The following TEX11 variants were observed in gnomAD, a reference collection of about 807,000 sequenced individuals.
TEX11 encodes testis-expressed protein 11.
TEX11 carries 7 observed loss-of-function variants against 84.4 expected under a neutral mutation model. The ratio of observed to expected loss-of-function variants is 0.08; its 90% CI spans 0.05 to 0.16. The LOEUF is 0.16. TEX11 is among the 10% of genes least tolerant of loss of function. The pLI is 1.00. For synonymous variants in TEX11, 264 were observed against 222.8 expected (o/e 1.18, Z -1.64); for missense variants, 551 against 660.5 (o/e 0.83, Z 1.82).
chrX:70,791,711 T>A (rs1199939673), intron 9 of TEX11, among the ~76,000 whole-genome samples: 1 of 112,094 alleles, frequency 8.9e-6, no homozygotes, highest in African/African-American at 3.2e-5. Flanking sequence ...GAAGATCCCT[T>A]AAAACCACAC....
chrX:70,613,958 C>A (rs778985370), intron 20 of TEX11, among the ~76,000 whole-genome samples: 125 of 111,038 alleles, frequency 1.1e-3, no homozygotes, highest in Middle Eastern at 4.7e-3. Flanking sequence ...GAACCCATTG[C>A]CTTGAAGGGA....
At chrX:70,825,847 GGAGCC>G (rs2091342459) in intron 8 of TEX11, among the ~76,000 whole-genome samples, 1 of 110,664 alleles carries the variant, frequency 9.0e-6, no homozygotes, top group Non-Finnish European at 1.9e-5. Context: ...CGTAGTGGCA[GGAGCC>G]TGTAATCCCA....
rs192461460 is a variant in TEX11 at position 70,652,252 on chromosome X, T to C, written c.1381-700A>G. Among the ~76,000 whole-genome samples, 187 of 111,713 alleles carry C rather than the reference T, an allele frequency of 1.7e-3. 3 individuals carry two copies. The highest frequency in any genetic ancestry group is 7.0e-3 in the Admixed American group (73 of 10,475). ...TTAGTTTAGATAGCTCCCAAGCATC[T>C]ACAGAAGCAAATGTAAATCTTCTCT... On this transcript the variant is annotated intron_variant, in intron 16 of 29. Coordinates refer to ENST00000374333, the MANE Select transcript of TEX11 (RefSeq NM_031276.3).
In TEX11 at chrX:70,895,396, T is replaced by A. The variant is rs184929480; in HGVS notation, c.37+12357A>T. 2.7e-4 allele frequency among the ~76,000 whole-genome samples: 30 copies of A among 111,574 alleles called. No individual in the cohort carries two copies. In the East Asian group the frequency reaches 6.4e-3, roughly 24 times the overall value. On this transcript the variant is annotated intron_variant, in intron 2 of 29. Coordinates refer to ENST00000374333, the MANE Select transcript of TEX11 (RefSeq NM_031276.3). The stretch of plus-strand genomic sequence containing the variant: ...GGGGACACAAACAAATGGAAAAAAA[T>A]TCCATGCTCATGGATAAGAAGAATA...
At chrX:70,561,410 CAG>C (rs2088371933) in intron 25 of TEX11, among the ~76,000 whole-genome samples, 1 of 68,037 alleles carries the variant, frequency 1.5e-5, no homozygotes, top group South Asian at 7.8e-4. Flanking sequence ...TTTTTTTTGA[CAG>C]AGTCTCGTTC....
rs745618647 is a variant in TEX11 at position 70,560,893 on chromosome X, GTTTTTTTTTTTTTTTTTT to G, written c.2141-6111_2141-6094del. Among the ~76,000 whole-genome samples the G allele has an allele frequency of 7.4e-4, 25 of 33,593 alleles. 1 individual carries two copies. The highest frequency in any genetic ancestry group is 3.0e-3 in the African/African-American group (22 of 7,239). The allele number at this position is 33,593 out of a possible 115,157, so 29.2% of individuals were successfully genotyped here. On this transcript the variant is annotated intron_variant, in intron 25 of 29. Coordinates refer to ENST00000374333, the MANE Select transcript of TEX11 (RefSeq NM_031276.3). ...ACCACAGGTGCATGCCACCACACCGGTTTTTTTTTTTTTTTTTTTTTTTTTTTTTTTTTTTGGTAAACA... is the reference window on the plus strand; with the variant it reads ...ACCACAGGTGCATGCCACCACACCGGTTTTTTTTTTTTTTTTTGGTAAACA...
intron 25 of TEX11, among the ~76,000 whole-genome samples, chrX:70,563,136 G>C (rs958431775): frequency 2.7e-5 from 3 of 111,592 alleles, no homozygotes; most frequent in Non-Finnish European, 5.6e-5. Flanking sequence ...TGAGTTCTTC[G>C]GATAGGCGAA....
chrX:70,637,893 C>T (rs770200333), intron 17 of TEX11, among the ~76,000 whole-genome samples: 1 of 109,081 alleles, frequency 9.2e-6, no homozygotes, highest in African/African-American at 3.3e-5. Flanking sequence ...CAAACTTGCA[C>T]ATCCTGCACA....
At chrX:70,777,643 C>G (rs1294749448) in intron 9 of TEX11, among the ~76,000 whole-genome samples, 1 of 111,209 alleles carries the variant, frequency 9.0e-6, no homozygotes, top group African/African-American at 3.3e-5. Context: ...GAGCAAAACT[C>G]CATCTCAAAA....
At chrX:70,594,851 C>G (rs2088983408) in intron 24 of TEX11, among the ~76,000 whole-genome samples, 1 of 111,103 alleles carries the variant, frequency 9.0e-6, no homozygotes. Context: ...GAGGTGCCTT[C>G]CATCATGATT....
At chrX:70,723,587 G>A (rs978079728) in intron 12 of TEX11, among the ~76,000 whole-genome samples, 12 of 111,650 alleles carry the variant, frequency 1.1e-4, no homozygotes, top group Non-Finnish European at 1.9e-4. Flanking sequence ...TATTTAATGA[G>A]CATATTATCT....
intron 24 of TEX11, among the ~76,000 whole-genome samples, chrX:70,596,213 A>C (rs752052824): frequency 8.9e-6 from 1 of 111,816 alleles, no homozygotes; most frequent in Admixed American, 9.5e-5. Context: ...AGCCCACTTT[A>C]AGTAATGAAT....
At chrX:70,634,216 A>G (rs904224768) in intron 17 of TEX11, among the ~76,000 whole-genome samples, 3 of 112,064 alleles carry the variant, frequency 2.7e-5, no homozygotes, top group African/African-American at 6.5e-5. Flanking sequence ...GAGAGAAATT[A>G]AAGACCTAAA....
intron 3 of TEX11, among the ~76,000 whole-genome samples, chrX:70,876,503 G>C (rs1204226768): frequency 9.0e-6 from 1 of 111,359 alleles, no homozygotes; most frequent in Admixed American, 9.7e-5. Context: ...TTTTGTCTTA[G>C]GTTTACATAA....
intron 24 of TEX11, among the ~76,000 whole-genome samples, chrX:70,598,777 T>C (rs1205383264): frequency 8.9e-6 from 1 of 112,306 alleles, no homozygotes; most frequent in African/African-American, 3.2e-5. Flanking sequence ...CAGAAAAGAC[T>C]ACACATCAAA....
At chrX:70,736,705 T>G (rs931820760) in intron 11 of TEX11, among the ~76,000 whole-genome samples, 1 of 111,742 alleles carries the variant, frequency 8.9e-6, no homozygotes, top group African/African-American at 3.2e-5. Flanking sequence ...GTGGTAACTC[T>G]TTTACATCTG....
At chrX:70,591,267 A>T (rs1046017386) in intron 25 of TEX11, among the ~76,000 whole-genome samples, 2 of 111,252 alleles carry the variant, frequency 1.8e-5, no homozygotes, top group Non-Finnish European at 3.8e-5. Flanking sequence ...TGTGTTACAG[A>T]GTCAATACTG....
chrX:70,572,604 A>G (rs1055797289), intron 25 of TEX11, among the ~76,000 whole-genome samples: 1 of 110,537 alleles, frequency 9.0e-6, no homozygotes, highest in Non-Finnish European at 1.9e-5. Flanking sequence ...ACCAAGCCAA[A>G]TGTCCAACAA....
chrX:70,582,053 T>G (rs2088783999), intron 25 of TEX11, among the ~76,000 whole-genome samples: 1 of 111,901 alleles, frequency 8.9e-6, no homozygotes, highest in Non-Finnish European at 1.9e-5. Flanking sequence ...CAGAAAAAAT[T>G]AAATATATTT....
Sources: gnomAD v4.1 joint callset for allele counts (sites outside exome capture counted in the v4.1 genomes callset) on GRCh38, gnomAD v4.1.1 for gene constraint, MANE v1.5 for transcripts, NCBI Gene and HGNC (gene_info 2026-07-23, HGNC 2026-07-21) for gene names.